MPPED2: variants seen among roughly 807,000 people sequenced by gnomAD.
MPPED2 encodes the protein metallophosphoesterase domain containing 2.
In MPPED2, 5 loss-of-function variants were observed where a neutral mutation model predicts 33.0. The observed-to-expected ratio is 0.15, with a 90% CI of 0.08 to 0.32. The LOEUF (loss-of-function observed/expected upper bound fraction) is 0.32, where lower values mean the gene tolerates loss of function less well. Among genes scored for constraint, MPPED2 ranks in the 10% least tolerant of loss-of-function variants. The probability of loss-of-function intolerance (pLI) is 1.00; values close to 1 mark genes in which losing one functional copy is unlikely to be tolerated. For missense variants in MPPED2, 275 were observed against 372.1 expected, an observed-to-expected ratio of 0.74 and a Z score of 2.15; for synonymous variants, 136 against 141.9, an observed-to-expected ratio of 0.96 and a Z score of 0.29.
intron 3 of MPPED2, among the ~76,000 whole-genome samples, chr11:30,531,487 G>A (rs961946987): frequency 3.9e-5 from 6 of 152,300 alleles, no homozygotes; most frequent in South Asian, 4.1e-4. Flanking sequence ...GGGCCAATGC[G>A]GTGGTAGCTG....
intron 4 of MPPED2, among the ~76,000 whole-genome samples, chr11:30,461,355 G>T (rs1197799478): frequency 6.6e-6 from 1 of 152,100 alleles, no homozygotes; most frequent in Non-Finnish European, 1.5e-5. Context: ...TTAAAAAATA[G>T]TTAAAAATGG....
At chr11:30,585,376 G>T (rs919296291) in intron 1 of MPPED2, among the ~76,000 whole-genome samples, 1 of 151,838 alleles carries the variant, frequency 6.6e-6, no homozygotes, top group Admixed American at 6.6e-5. Flanking sequence ...GAGCGAGAGC[G>T]GCGCGCGCGG....
intron 4 of MPPED2, among the ~76,000 whole-genome samples, chr11:30,448,680 CTA>C (rs1266062204): frequency 6.6e-6 from 1 of 151,402 alleles, no homozygotes; most frequent in African/African-American, 2.4e-5. Context: ...GCACTCCCCA[CTA>C]TTTTTTTTTT....
chr11:30,499,755 T>A, intron 3 of MPPED2, among the ~76,000 whole-genome samples: 1 of 152,194 alleles, frequency 6.6e-6, no homozygotes, highest in Non-Finnish European at 1.5e-5. Context: ...CTTCTAAACT[T>A]CTTAAAAGAG....
In MPPED2 at chr11:30,529,875, T is replaced by C. The variant is rs887855822; in HGVS notation, c.310+6119A>G. On this transcript the variant is annotated intron_variant, in intron 3 of 6. Transcript: ENST00000358117. Reference sequence around the variant, plus strand: ...GTCTAACAAAATGCTCTTACAAATATGAATGACCCTCTTCTTGAGATTTTC... The same window carrying C: ...GTCTAACAAAATGCTCTTACAAATACGAATGACCCTCTTCTTGAGATTTTC... 2.6e-5 allele frequency among the ~76,000 whole-genome samples: 4 copies of C among 152,336 alleles called. No individual in the cohort carries two copies. In the East Asian group the frequency reaches 7.7e-4, roughly 29 times the overall value.
At chr11:30,458,972 C>A (rs1950405724) in intron 4 of MPPED2, among the ~76,000 whole-genome samples, 2 of 117,930 alleles carry the variant, frequency 1.7e-5, no homozygotes, top group Admixed American at 2.4e-4. Flanking sequence ...GTCGCCCAGG[C>A]TGGAGTGCAG....
chr11:30,410,675 A>G lies in MPPED2; in HGVS notation c.*793T>C. On this transcript the variant is annotated 3_prime_UTR_variant, in exon 7 of 7. Coordinates refer to ENST00000358117, the MANE Select transcript of MPPED2 (RefSeq NM_001584.3). ...CAGTTGTACTGTCCTTGACAATAATAAACTCCTAACGTAGTCATAATACAC... is the reference window on the plus strand; with the variant it reads ...CAGTTGTACTGTCCTTGACAATAATGAACTCCTAACGTAGTCATAATACAC... 1.0e-6 allele frequency: 1 copy of G among 985,266 alleles called. No homozygotes were observed. The highest frequency in any genetic ancestry group is 1.2e-6 in the Non-Finnish European group (1 of 829,384). The allele number at this position is 985,266 out of a possible 1,614,324, so 61.0% of individuals were successfully genotyped here.
At chr11:30,470,023 G>C (rs1396916118) in intron 4 of MPPED2, among the ~76,000 whole-genome samples, 1 of 152,150 alleles carries the variant, frequency 6.6e-6, no homozygotes, top group Non-Finnish European at 1.5e-5. Flanking sequence ...TTCAACTTGT[G>C]AGTGGTTGTA....
chr11:30,417,551 T>C lies in MPPED2; in HGVS notation c.619A>G (p.Ile207Val). The C allele has an allele frequency of 1.2e-6, 2 of 1,613,044 alleles. No homozygotes were observed. The highest frequency in any genetic ancestry group is 1.7e-6 in the Non-Finnish European group (2 of 1,179,250). The change falls in exon 5 of 7, where the codon ATT becomes GTT. Residue 207 changes from isoleucine (I) to valine (V), a missense_variant. Coordinates refer to ENST00000358117, the MANE Select transcript of MPPED2 (RefSeq NM_001584.3). ...LDKWNLIPEGIDILMTHGPPL... is the reference protein window; with the variant it reads ...LDKWNLIPEGVDILMTHGPPL... ...GGTCCATGTGTCATGAGTATGTCAA[T>C]GCCCTCAGGGATGAGGTTCCACTTG...
rs1955339574 is a variant in MPPED2, at chr11:30,545,110, A to G, written c.129-8935T>C. ...TAGGGTCTGAACCTCAGGGAGTCAG[A>G]CTATGGGGCTTGAACCTGGAGGGCA... On this transcript the variant is annotated intron_variant, in intron 2 of 6. Coordinates refer to ENST00000358117, the MANE Select transcript of MPPED2 (RefSeq NM_001584.3). Among the ~76,000 whole-genome samples, 3 of 152,254 alleles carry G rather than the reference A, an allele frequency of 2.0e-5. No homozygotes were observed. The South Asian group carries it at 6.2e-4, about 32-fold the overall frequency.
intron 2 of MPPED2, among the ~76,000 whole-genome samples, chr11:30,559,111 G>A (rs984529430): frequency 6.6e-6 from 1 of 152,130 alleles, no homozygotes; most frequent in African/African-American, 2.4e-5. Context: ...TCACAGAGAA[G>A]AGCTTCCAGG....
At chr11:30,438,057 T>C (rs1949400493) in intron 4 of MPPED2, among the ~76,000 whole-genome samples, 2 of 152,174 alleles carry the variant, frequency 1.3e-5, no homozygotes, top group Admixed American at 1.3e-4. Context: ...GGGATTATAA[T>C]AAAGCTCAGT....
chr11:30,583,128 C>CTTTTTCTTTTTTTCTT (rs752568357), intron 1 of MPPED2, among the ~76,000 whole-genome samples: 3 of 92,846 alleles, frequency 3.2e-5, no homozygotes, highest in South Asian at 4.0e-4. Context: ...CTGGAAAAGA[C>CTTTTTCTTTTTTTCTT]TTTTTCTTTT....
intron 4 of MPPED2, among the ~76,000 whole-genome samples, chr11:30,457,634 T>A (rs1337795269): frequency 6.6e-6 from 1 of 152,224 alleles, no homozygotes; most frequent in African/African-American, 2.4e-5. Flanking sequence ...ACAACCTTTA[T>A]GTTGATAAGG....
downstream of MPPED2, among the ~76,000 whole-genome samples, chr11:30,408,093 T>C (rs767820386): frequency 6.6e-6 from 1 of 152,020 alleles, no homozygotes; most frequent in African/African-American, 2.4e-5. Context: ...CCGTTTTACA[T>C]AGAAAGTGAG....
rs533019992 is a variant in MPPED2 at position 30,572,990 on chromosome 11, C to T, written c.128+7256G>A. ...GAACCTGAAATTCAGAGAGGCCCTA[C>T]TTGCTAAATATCAGAGCTGATTAGT... On this transcript the variant is annotated intron_variant, in intron 2 of 6. Transcript: ENST00000358117. Among the ~76,000 whole-genome samples, 13 of 152,278 alleles carry T rather than the reference C, an allele frequency of 8.5e-5. No homozygotes were observed. In the South Asian group the frequency reaches 1.0e-3, roughly 12 times the overall value.
intron 6 of MPPED2, among the ~76,000 whole-genome samples, chr11:30,405,124 G>A (rs1947970380): frequency 6.6e-6 from 1 of 152,202 alleles, no homozygotes; most frequent in Admixed American, 6.5e-5. Context: ...TTAGGATTAT[G>A]TAGTTGCTAC....
In MPPED2 at chr11:30,411,496, A is replaced by G; in HGVS notation, c.857T>C (p.Phe286Ser). Residue 286 changes from phenylalanine to serine, a missense_variant, in exon 7 of 7, where the codon TTT becomes TCT. Physicochemically the swap from Phe to Ser is radical, Grantham distance 155 (BLOSUM62 -2). Coordinates refer to ENST00000358117, the MANE Select transcript of MPPED2 (RefSeq NM_001584.3). ...GGAACCCTGTGGGTTTGGAAGGTCA[A>G]ATATAATTGGAGGGTTGGTCGGTTG... is the stretch of plus-strand genomic sequence containing the variant. ...SFQPTNPPII[F>S]DLPNPQGS 6.2e-7 allele frequency: 1 copy of G among 1,613,898 alleles called. No homozygotes were observed. Among genetic ancestry groups the G allele is most frequent in the South Asian group, 1.1e-5 (1 of 91,030 alleles).
At chr11:30,532,610 GA>G (rs1459586366) in intron 3 of MPPED2, among the ~76,000 whole-genome samples, 1 of 152,172 alleles carries the variant, frequency 6.6e-6, no homozygotes, top group Non-Finnish European at 1.5e-5. Context: ...TTATCATTAT[GA>G]TGCCCATTTT....
Sources: gnomAD v4.1 joint callset for allele counts (sites outside exome capture counted in the v4.1 genomes callset) on GRCh38, gnomAD v4.1.1 for gene constraint, MANE v1.5 for transcripts, NCBI Gene and HGNC (gene_info 2026-07-23, HGNC 2026-07-21) for gene names.